Variants in C2CD5 observed in about 807,000 individuals in gnomAD.
C2CD5 encodes the protein C2 calcium dependent domain containing 5, also known as C2 domain-containing protein 5.
Under a neutral mutation model 130.3 loss-of-function variants are expected in C2CD5, and 109 were observed. The ratio of observed to expected loss-of-function variants is 0.84; its 90% CI spans 0.72 to 0.98. C2CD5 has a LOEUF of 0.98. C2CD5 is among the 50% of genes least tolerant of loss of function. The pLI, the probability that C2CD5 is intolerant of heterozygous loss-of-function variation, is 0.00. For missense variants in C2CD5, 996 were observed against 1,261.8 expected, an observed-to-expected ratio of 0.79 and a Z score of 3.19; for synonymous variants, 454 against 429.2, an observed-to-expected ratio of 1.06 and a Z score of -0.71.
At chr12:22,478,883 G>A (rs1224343746) in intron 14 of C2CD5, among the ~76,000 whole-genome samples, 1 of 151,852 alleles carries the variant, frequency 6.6e-6, no homozygotes, top group Admixed American at 6.6e-5. Flanking sequence ...ACAAGAATGT[G>A]ATCTTTGCTC....
At chr12:22,493,535 C>T (rs1946628584) in intron 10 of C2CD5, among the ~76,000 whole-genome samples, 198 bp from the exon 11 acceptor site, 1 of 151,916 alleles carries the variant, frequency 6.6e-6, no homozygotes, top group South Asian at 2.1e-4. Context: ...GAAAACAAAC[C>T]ACCTATCTGT....
intron 9 of C2CD5, among the ~76,000 whole-genome samples, chr12:22,507,606 T>C (rs755092099): frequency 6.6e-6 from 1 of 151,972 alleles, no homozygotes; most frequent in Non-Finnish European, 1.5e-5. Context: ...TTCATTGAAA[T>C]AGGACCCAAT....
intron 7 of C2CD5, among the ~76,000 whole-genome samples, chr12:22,520,907 A>T (rs971437109): frequency 6.6e-6 from 1 of 152,156 alleles, no homozygotes; most frequent in Non-Finnish European, 1.5e-5. Flanking sequence ...TAAAATGAAC[A>T]GTGTAAAATG....
chr12:22,541,625 A>G (rs1346901999), intron 2 of C2CD5, among the ~76,000 whole-genome samples: 1 of 152,048 alleles, frequency 6.6e-6, no homozygotes, highest in South Asian at 2.1e-4. Context: ...ACTCCCCTAC[A>G]CACACAAATA....
Position 22,457,056 on chromosome 12 carries a change from A to G in C2CD5, c.2792T>C (p.Leu931Pro), listed in dbSNP as rs1565641235. Residue 931 changes from leucine (L) to proline (P), a missense_variant, in exon 25 of 27, where the codon CTT becomes CCT. Leu to Pro is a moderately conservative substitution (Grantham distance 98, BLOSUM62 -3). Transcript: ENST00000446597. The stretch of plus-strand genomic sequence containing the variant: ...TATTTTTGCTCCAGGAATAAAAGAA[A>G]GAGGTGTCATCTTAACAACCCCAAC... ...STVGVVKMTP[L>P]SFIPGAKITK... is the part of the protein sequence containing the mutation. The G allele has an allele frequency of 2.5e-6, 4 of 1,611,294 alleles. No individual in the cohort carries two copies. The highest frequency in any genetic ancestry group is 3.4e-6 in the Non-Finnish European group (4 of 1,177,858).
chr12:22,448,697 G>GA lies in C2CD5; in HGVS notation c.*1062dup, dbSNP rs1170369994. 2 of 152,432 alleles carry GA rather than the reference G, an allele frequency of 1.3e-5. No individual in the cohort carries two copies. Among genetic ancestry groups the GA allele is most frequent in the African/African-American group, 2.4e-5 (1 of 41,408 alleles). The allele number at this position is 152,432 out of a possible 1,614,324, so 9.4% of individuals were successfully genotyped here. A position where few individuals can be genotyped will look rare whatever the true frequency, so the allele number is the denominator to read the frequency against. On this transcript the variant is annotated 3_prime_UTR_variant, in exon 27 of 27. Coordinates refer to ENST00000446597, the MANE Select transcript of C2CD5 (RefSeq NM_001286176.2). ...TTAAGGGCAGTTTGTTGTCCTGGGG[G>GA]AAAAAATCATAAGTGTTATAAAGAA...
At chr12:22,489,913 T>C (rs1454803451) in intron 12 of C2CD5, among the ~76,000 whole-genome samples, 1 of 152,064 alleles carries the variant, frequency 6.6e-6, no homozygotes, top group Non-Finnish European at 1.5e-5. Flanking sequence ...ATCAAGACAC[T>C]AGAAACAATA....
intron 8 of C2CD5, chr12:22,515,135 C>T: frequency 1.0e-6 from 1 of 984,952 alleles, no homozygotes; most frequent in Non-Finnish European, 1.2e-6. Context: ...AATCCTAGGT[C>T]CCTGTGGGTA....
chr12:22,527,210 T>C (rs1406536645), intron 4 of C2CD5, among the ~76,000 whole-genome samples: 1 of 151,892 alleles, frequency 6.6e-6, no homozygotes, highest in Admixed American at 6.6e-5. Flanking sequence ...ACTATACAAA[T>C]TTAGCAAGCA....
At chr12:22,517,138 T>C (rs920830585) in intron 8 of C2CD5, among the ~76,000 whole-genome samples, 1 of 151,932 alleles carries the variant, frequency 6.6e-6, no homozygotes, top group Admixed American at 6.6e-5. Context: ...TATAAATTTC[T>C]TTTCTAACAT....
At chr12:22,538,560 G>T (rs181671874) in intron 2 of C2CD5, among the ~76,000 whole-genome samples, 1 of 152,226 alleles carries the variant, frequency 6.6e-6, no homozygotes, top group South Asian at 2.1e-4. Context: ...GTCACTTAAC[G>T]GAGGTTGTTA....
chr12:22,529,030 G>C (rs1346500822), intron 3 of C2CD5, among the ~76,000 whole-genome samples: 2 of 152,132 alleles, frequency 1.3e-5, no homozygotes, highest in Non-Finnish European at 2.9e-5. Flanking sequence ...ATTCACAGAT[G>C]AAATCATATA....
In C2CD5 at chr12:22,449,285, A is replaced by G. The variant is rs1938023159; in HGVS notation, c.*475T>C. The G allele has an allele frequency of 6.6e-6, 1 of 152,372 alleles. No homozygotes were observed. Among genetic ancestry groups the G allele is most frequent in the African/African-American group, 2.4e-5 (1 of 41,458 alleles). The allele number at this position is 152,372 out of a possible 1,614,324, so 9.4% of individuals were successfully genotyped here. On this transcript the variant is annotated 3_prime_UTR_variant, in exon 27 of 27. Coordinates refer to ENST00000446597, the MANE Select transcript of C2CD5 (RefSeq NM_001286176.2). ...GTTACCGAATTCCTCAGCAAAATAC[A>G]ACACATTCAGAAATCTACATAGCAG...
chr12:22,518,925 T>A (rs1177886928), intron 7 of C2CD5: 1 of 428,824 alleles, frequency 2.3e-6, no homozygotes, highest in South Asian at 6.0e-5. Context: ...AAGAATACCT[T>A]CACTTCCATA....
intron 11 of C2CD5, among the ~76,000 whole-genome samples, chr12:22,492,782 A>C (rs1466334660): frequency 6.6e-6 from 1 of 152,180 alleles, no homozygotes; most frequent in Non-Finnish European, 1.5e-5. Flanking sequence ...ACGTTACATT[A>C]CAGTAGGTAA....
intron 13 of C2CD5, among the ~76,000 whole-genome samples, chr12:22,483,000 C>CAAT (rs1193834346): frequency 6.6e-6 from 1 of 151,996 alleles, no homozygotes; most frequent in Non-Finnish European, 1.5e-5. Flanking sequence ...TATCTACAGT[C>CAAT]AATAATAATT....
chr12:22,459,669 A>C, intron 22 of C2CD5, 127 bp from the exon 23 acceptor site: 1 of 514,074 alleles, frequency 1.9e-6, no homozygotes, highest in South Asian at 3.4e-5. Context: ...TCATTGCAAA[A>C]GCAAACCAAA....
intron 15 of C2CD5, 46 bp from the exon 16 acceptor site, chr12:22,474,937 C>T (rs1203040678): frequency 2.2e-6 from 3 of 1,359,392 alleles, no homozygotes; most frequent in Admixed American, 2.4e-5. Flanking sequence ...TTGTCTTTTC[C>T]AGTTTAAATT....
intron 9 of C2CD5, among the ~76,000 whole-genome samples, chr12:22,512,249 C>T (rs909446430): frequency 1.3e-5 from 2 of 152,138 alleles, no homozygotes; most frequent in Non-Finnish European, 2.9e-5. Flanking sequence ...GAAAATAAAT[C>T]GTACCAACCT....
Sources: allele counts gnomAD v4.1 joint callset (sites outside exome capture counted in the v4.1 genomes callset), GRCh38; gene constraint gnomAD v4.1.1; transcripts MANE v1.5; gene names NCBI Gene and HGNC (gene_info 2026-07-23, HGNC 2026-07-21).